ZNF483: variants seen among roughly 807,000 people sequenced by gnomAD.
The protein encoded by ZNF483 is zinc finger protein HIT-10.
A neutral mutation model predicts 28.6 loss-of-function variants in ZNF483; 9 were observed. The observed-to-expected ratio is 0.32, with a 90% CI of 0.19 to 0.55. The LOEUF (loss-of-function observed/expected upper bound fraction) is 0.55, where lower values mean the gene tolerates loss of function less well. ZNF483 is among the 20% of genes least tolerant of loss of function. The pLI, the probability that ZNF483 is intolerant of heterozygous loss-of-function variation, is 0.93. For missense variants in ZNF483, 675 were observed against 871.7 expected (o/e 0.77, Z 2.84); for synonymous variants, 322 against 306.2 (o/e 1.05, Z -0.54).
intron 5 of ZNF483, among the ~76,000 whole-genome samples, chr9:111,540,914 G>C (rs1827655371): frequency 6.6e-6 from 1 of 152,052 alleles, no homozygotes; most frequent in South Asian, 2.1e-4. Context: ...AAACCGAGAT[G>C]GTAATAAAAT....
rs35670507 is a variant in ZNF483, at chr9:111,576,167, C to CA, written c.722-186dup. On this transcript the variant is annotated intron_variant, in intron 5 of 5. Coordinates refer to the ZNF483 transcript ENST00000358151. ...GAGTGAGACTGGTGAGACTGAGTCT[C>CA]AAAAAAAAAAAAGGGCAAAAACAAA... is the stretch of plus-strand genomic sequence containing the variant. 2.0e-3 allele frequency among the ~76,000 whole-genome samples: 220 copies of CA among 109,962 alleles called. 1 individual carries two copies. The highest frequency in any genetic ancestry group is 2.7e-3 in the Non-Finnish European group (140 of 52,750). 72.1% of individuals were successfully genotyped at this position (109,962 alleles called of 152,430 possible).
At chr9:111,559,792 T>A (rs1828222957), downstream of ZNF483, among the ~76,000 whole-genome samples, 1 of 152,144 alleles carries the variant, frequency 6.6e-6, no homozygotes. Flanking sequence ...CCTTCTAATG[T>A]CTTTAGGATT....
downstream of ZNF483, among the ~76,000 whole-genome samples, chr9:111,559,592 A>ACT (rs1828216427): frequency 6.6e-6 from 1 of 151,808 alleles, no homozygotes; most frequent in African/African-American, 2.4e-5. Context: ...GTCCACACAC[A>ACT]CACACTCACA....
At chr9:111,533,483 A>C (rs2132231217) in intron 3 of ZNF483, among the ~76,000 whole-genome samples, 1 of 152,168 alleles carries the variant, frequency 6.6e-6, no homozygotes, top group South Asian at 2.1e-4. Flanking sequence ...AGAGTTTGAG[A>C]CCAGCCTGGG....
At chr9:111,539,320 A>G (rs1273373836) in intron 5 of ZNF483, 5 of 360,660 alleles carry the variant, frequency 1.4e-5, no homozygotes, top group Admixed American at 3.4e-5. Context: ...TAAATTTGCA[A>G]AGATTTAAAG....
chr9:111,568,696 T>C (rs546736192), intron 5 of ZNF483, among the ~76,000 whole-genome samples: 4 of 152,210 alleles, frequency 2.6e-5, no homozygotes, highest in Non-Finnish European at 5.9e-5. Context: ...CCTACTGATA[T>C]GTGGTGTCGC....
chr9:111,567,330 G>C (rs1171692297), intron 5 of ZNF483, among the ~76,000 whole-genome samples: 1 of 152,118 alleles, frequency 6.6e-6, no homozygotes, highest in African/African-American at 2.4e-5. Flanking sequence ...TGGGACTATA[G>C]GTGCACGCCA....
chr9:111,529,501 T>A (rs548293448), intron 2 of ZNF483, among the ~76,000 whole-genome samples: 1 of 152,248 alleles, frequency 6.6e-6, no homozygotes, highest in South Asian at 2.1e-4. Flanking sequence ...TCTGGTGGAG[T>A]CAACTCTTGA....
chr9:111,563,135 T>C lies in ZNF483; in HGVS notation c.722-13230T>C, dbSNP rs114774740. The C allele has an allele frequency of 3.1e-4, 499 of 1,613,876 alleles. 2 individuals carry two copies. In the East Asian group the frequency reaches 8.7e-3, roughly 28 times the overall value. On this transcript the variant is annotated intron_variant, in intron 5 of 5. Transcript: ENST00000358151. ...TGTCCTCTTTTTCATGCTTTCACTATTGTCTTCCCCAAATTATCTCCTTTC... is the reference window on the plus strand; with the variant it reads ...TGTCCTCTTTTTCATGCTTTCACTACTGTCTTCCCCAAATTATCTCCTTTC...
intron 5 of ZNF483, among the ~76,000 whole-genome samples, chr9:111,537,437 T>C (rs902153310): frequency 1.3e-5 from 2 of 151,966 alleles, no homozygotes; most frequent in African/African-American, 4.8e-5. Flanking sequence ...GATCTCGAGC[T>C]CCTGACCTCA....
intron 5 of ZNF483, among the ~76,000 whole-genome samples, chr9:111,539,126 A>C (rs1315323129): frequency 1.5e-4 from 23 of 150,558 alleles, no homozygotes; most frequent in Non-Finnish European, 2.7e-4. Flanking sequence ...AAAAAAAAAA[A>C]AAAAAAAAAA....
intron 5 of ZNF483, among the ~76,000 whole-genome samples, chr9:111,565,980 G>A (rs1283248110): frequency 2.0e-5 from 3 of 152,110 alleles, no homozygotes; most frequent in African/African-American, 7.2e-5. Flanking sequence ...GTGAGGCTGA[G>A]GCAGGAGAAT....
chr9:111,527,611 A>G lies in ZNF483; in HGVS notation c.216A>G (p.Gln72=). 7.4e-6 allele frequency: 12 copies of G among 1,614,200 alleles called. No individual in the cohort carries two copies. Among genetic ancestry groups the G allele is most frequent in the Non-Finnish European group, 1.0e-5 (12 of 1,180,044 alleles). ...CTGGACCCAGGAAAGCTCTGAGTCA[A>G]CTCTGGGAGCTCTGCAATCAGTGGC... The part of the protein sequence containing the change: ...EVAGPRKALS[Q]LWELCNQWLR... Residue 72 remains glutamine, a synonymous_variant, in exon 2 of 6, where the codon CAA becomes CAG. Coordinates refer to ENST00000309235, the MANE Select transcript of ZNF483 (RefSeq NM_133464.5).
chr9:111,525,969 C>T (rs182962410), intron 1 of ZNF483, among the ~76,000 whole-genome samples: 7 of 152,196 alleles, frequency 4.6e-5, no homozygotes, highest in African/African-American at 1.4e-4. Context: ...TTTCCTGGAC[C>T]CTCTGTGAGC....
chr9:111,559,531 T>TC (rs1313009498), downstream of ZNF483, among the ~76,000 whole-genome samples: 1 of 151,800 alleles, frequency 6.6e-6, no homozygotes, highest in Non-Finnish European at 1.5e-5. Flanking sequence ...CCAACTCCCC[T>TC]CATCAGGCCA....
At chr9:111,571,520 C>T (rs1177241077) in intron 5 of ZNF483, among the ~76,000 whole-genome samples, 1 of 141,728 alleles carries the variant, frequency 7.1e-6, no homozygotes. Flanking sequence ...CTCTGTTTCC[C>T]CAGGCTGGAG....
At chr9:111,531,036 TA>T in intron 3 of ZNF483, 73 bp downstream of exon 3, 1 of 690,448 alleles carries the variant, frequency 1.4e-6, no homozygotes, top group Non-Finnish European at 2.2e-6. Context: ...TATAAAGATA[TA>T]AAAATAAAAG....
At position 111,546,417 on chromosome 9, in the gene ZNF483, AG is replaced by A. The variant is rs1827808476; in HGVS notation, c.*3248del. Among the ~76,000 whole-genome samples, 1 of 152,180 alleles carries A rather than the reference AG, an allele frequency of 6.6e-6. No individual in the cohort carries two copies. The highest frequency in any genetic ancestry group is 1.5e-5 in the Non-Finnish European group (1 of 68,000). Reference sequence around the variant, plus strand: ...CTGTATAATTGCCTGCAGGACATTCAGTCTGGCCCATCACCCAAATATTTAA... The same window carrying A: ...CTGTATAATTGCCTGCAGGACATTCATCTGGCCCATCACCCAAATATTTAA... On this transcript the variant is annotated 3_prime_UTR_variant, in exon 6 of 6. Coordinates refer to ENST00000309235, the MANE Select transcript of ZNF483 (RefSeq NM_133464.5).
In ZNF483 at chr9:111,548,897, A is replaced by G. The variant is rs77440794; in HGVS notation, c.*5727A>G. ...TTCCAAGGTTTTTGATGAGCAATCA[A>G]CAGTCTCACTGAGGATTTCTTTTAT... On this transcript the variant is annotated 3_prime_UTR_variant, in exon 6 of 6. Coordinates refer to ENST00000309235, the MANE Select transcript of ZNF483 (RefSeq NM_133464.5). 0.023 allele frequency among the ~76,000 whole-genome samples: 3,539 copies of G among 152,138 alleles called. 92 individuals are homozygous for G. The highest frequency in any genetic ancestry group is 0.087 in the East Asian group (448 of 5,178).
Sources: gnomAD v4.1 joint callset for allele counts (sites outside exome capture counted in the v4.1 genomes callset) on GRCh38, gnomAD v4.1.1 for gene constraint, MANE v1.5 for transcripts, NCBI Gene and HGNC (gene_info 2026-07-23, HGNC 2026-07-21) for gene names.